Variants in KCNIP4 observed in about 807,000 individuals in gnomAD.
KCNIP4 encodes the protein Kv channel-interacting protein 4.
Under a neutral mutation model 34.0 loss-of-function variants are expected in KCNIP4, and 12 were observed. The observed-to-expected ratio is 0.35, with a 90% CI of 0.23 to 0.57. KCNIP4 has a LOEUF of 0.57. Ranked by LOEUF, KCNIP4 falls within the 20% of genes least tolerant of loss-of-function variation. KCNIP4 has a pLI of 0.83. For synonymous variants in KCNIP4, 124 were observed against 102.2 expected (o/e 1.21, Z -1.29); for missense variants, 238 against 311.7 (o/e 0.76, Z 1.78).
intron 1 of KCNIP4, among the ~76,000 whole-genome samples, chr4:20,948,856 C>A (rs1233991071): frequency 6.6e-6 from 1 of 151,964 alleles, no homozygotes; most frequent in Non-Finnish European, 1.5e-5. Context: ...TACCATATAC[C>A]ATGTATACCA....
intron 1 of KCNIP4, among the ~76,000 whole-genome samples, chr4:21,238,759 C>T (rs1759566087): frequency 6.6e-6 from 1 of 152,156 alleles, no homozygotes; most frequent in Non-Finnish European, 1.5e-5. Context: ...ACATTCCATG[C>T]TCATGGGTAG....
chr4:21,134,218 T>C (rs1240371640), intron 1 of KCNIP4, among the ~76,000 whole-genome samples: 1 of 152,178 alleles, frequency 6.6e-6, no homozygotes, highest in African/African-American at 2.4e-5. Flanking sequence ...CAACCCCTCC[T>C]CTTCCTCCTT....
At chr4:21,429,983 T>C (rs567381223) in intron 1 of KCNIP4, among the ~76,000 whole-genome samples, 48 of 152,268 alleles carry the variant, frequency 3.2e-4, no homozygotes, top group African/African-American at 1.2e-3. Flanking sequence ...GATAAAGCAA[T>C]TTCCCTTAAA....
At chr4:20,815,315 C>T (rs544878744) in intron 3 of KCNIP4, among the ~76,000 whole-genome samples, 38 of 152,182 alleles carry the variant, frequency 2.5e-4, no homozygotes, top group African/African-American at 8.9e-4. Context: ...AATTATAGAG[C>T]ACAGTGGCAG....
chr4:21,936,028 C>G (rs1361923656), intron 1 of KCNIP4, among the ~76,000 whole-genome samples: 3 of 151,112 alleles, frequency 2.0e-5, no homozygotes, highest in Admixed American at 6.6e-5. Context: ...ACAGCATTAT[C>G]AAATAATAGT....
intron 1 of KCNIP4, among the ~76,000 whole-genome samples, chr4:21,595,644 C>A (rs1022741082): frequency 6.6e-6 from 1 of 152,048 alleles, no homozygotes; most frequent in Non-Finnish European, 1.5e-5. Flanking sequence ...TCTTCTTCTC[C>A]AGCATCCAGT....
intron 1 of KCNIP4, among the ~76,000 whole-genome samples, chr4:21,443,956 C>T (rs1727725749): frequency 6.6e-6 from 1 of 151,516 alleles, no homozygotes; most frequent in African/African-American, 2.4e-5. Flanking sequence ...ACCACTGATC[C>T]CACAGAAATA....
In KCNIP4 at chr4:21,648,591, C is replaced by T. The variant is rs1014778685; in HGVS notation, c.61+299980G>A. 3.2e-4 allele frequency among the ~76,000 whole-genome samples: 49 copies of T among 152,088 alleles called. 1 individual carries two copies. The highest frequency in any genetic ancestry group is 1.1e-3 in the African/African-American group (44 of 41,416). Reference sequence around the variant, plus strand: ...TAAATCATAAATATGTTGAGCCAGTCGTTTACATCAATTTCAAACACGAAG... The same window carrying T: ...TAAATCATAAATATGTTGAGCCAGTTGTTTACATCAATTTCAAACACGAAG... On this transcript the variant is annotated intron_variant, in intron 1 of 8. Coordinates refer to ENST00000382152, the MANE Select transcript of KCNIP4 (RefSeq NM_025221.6).
At chr4:21,025,633 C>A (rs1407044247) in intron 1 of KCNIP4, among the ~76,000 whole-genome samples, 7 of 141,062 alleles carry the variant, frequency 5.0e-5, no homozygotes, top group Non-Finnish European at 9.1e-5. Flanking sequence ...GCCTCACTGC[C>A]AGCTCTGCCT....
At chr4:20,877,086 C>T (rs1724126860) in intron 2 of KCNIP4, among the ~76,000 whole-genome samples, 1 of 152,166 alleles carries the variant, frequency 6.6e-6, no homozygotes, top group Non-Finnish European at 1.5e-5. Flanking sequence ...ATCTGGACTC[C>T]TTGCCCTTCT....
intron 1 of KCNIP4, among the ~76,000 whole-genome samples, chr4:20,903,963 G>A (rs555294874): frequency 7.9e-5 from 12 of 152,234 alleles, no homozygotes; most frequent in African/African-American, 2.6e-4. Context: ...ACTGCTGCAG[G>A]TGGTGCCTGG....
intron 1 of KCNIP4, among the ~76,000 whole-genome samples, chr4:21,702,937 C>A (rs1712972606): frequency 1.3e-5 from 2 of 151,500 alleles, no homozygotes; most frequent in South Asian, 4.2e-4. Flanking sequence ...GGATGCAAGC[C>A]TGGGTCAATA....
intron 1 of KCNIP4, among the ~76,000 whole-genome samples, chr4:21,520,086 T>C (rs61353219): frequency 0.083 from 12,542 of 151,748 alleles, 867 homozygotes; most frequent in Admixed American, 0.18. Flanking sequence ...GTCTCTCCTT[T>C]CACGTTTTTC....
intron 3 of KCNIP4, among the ~76,000 whole-genome samples, chr4:20,804,355 A>G (rs1394409791): frequency 1.3e-5 from 2 of 152,204 alleles, no homozygotes; most frequent in African/African-American, 2.4e-5. Context: ...AAGTAAAAAT[A>G]TTAATGTGTA....
intron 3 of KCNIP4, among the ~76,000 whole-genome samples, chr4:20,831,653 CAATA>C (rs1012723999): frequency 3.9e-5 from 6 of 152,042 alleles, no homozygotes; most frequent in African/African-American, 1.4e-4. Context: ...GTAACCTGTC[CAATA>C]AATCAGTAAC....
rs768668990 is a variant in KCNIP4 at position 20,905,522 on chromosome 4, T to TTTTTTTTTTTTTTTTTTTTTG, written c.62-22814_62-22813insCAAAAAAAAAAAAAAAAAAAA. The stretch of plus-strand genomic sequence containing the variant: ...AACGTTTTCTTTCTTTTTTTTTTTT[T>TTTTTTTTTTTTTTTTTTTTTG]TTTGTTTGAGATGGAGTCTTGCTCT... On this transcript the variant is annotated intron_variant, in intron 1 of 8. Transcript: ENST00000382152. 4.7e-3 allele frequency among the ~76,000 whole-genome samples: 525 copies of TTTTTTTTTTTTTTTTTTTTTG among 111,150 alleles called. 4 individuals carry two copies. Among genetic ancestry groups the TTTTTTTTTTTTTTTTTTTTTG allele is most frequent in the Non-Finnish European group, 6.4e-3 (353 of 54,848 alleles). The allele number at this position is 111,150 out of a possible 152,430, so 72.9% of individuals were successfully genotyped here. A position where few individuals can be genotyped will look rare whatever the true frequency, so the allele number is the denominator to read the frequency against.
intron 2 of KCNIP4, among the ~76,000 whole-genome samples, chr4:20,872,525 G>A (rs1723594021): frequency 6.6e-6 from 1 of 152,088 alleles, no homozygotes; most frequent in African/African-American, 2.4e-5. Context: ...AGAAAATTGA[G>A]GCTCTTTGAA....
chr4:21,092,169 T>C (rs1215057554), intron 1 of KCNIP4, among the ~76,000 whole-genome samples: 1 of 152,144 alleles, frequency 6.6e-6, no homozygotes, highest in African/African-American at 2.4e-5. Context: ...TGAGCATTTA[T>C]ATGTCCCAAG....
chr4:21,934,883 G>A (rs766985077), intron 1 of KCNIP4, among the ~76,000 whole-genome samples: 2 of 152,082 alleles, frequency 1.3e-5, no homozygotes, highest in African/African-American at 2.4e-5. Flanking sequence ...ATTTAAAATT[G>A]CTTGAGTGTC....
Sources: allele counts gnomAD v4.1 joint callset (sites outside exome capture counted in the v4.1 genomes callset), GRCh38; gene constraint gnomAD v4.1.1; transcripts MANE v1.5; gene names NCBI Gene and HGNC (gene_info 2026-07-23, HGNC 2026-07-21).